Variants in NPAS3 observed in about 807,000 individuals in gnomAD.
NPAS3 encodes the protein neuronal PAS domain protein 3, also known as neuronal PAS domain-containing protein 3.
NPAS3 carries 14 observed loss-of-function variants against 73.1 expected under a neutral mutation model. That is an observed-to-expected ratio of 0.19 (90% CI 0.13 to 0.30). The LOEUF is 0.30. Among genes scored for constraint, NPAS3 ranks in the 10% least tolerant of loss-of-function variants. The probability of loss-of-function intolerance (pLI) is 1.00; values close to 1 mark genes in which losing one functional copy is unlikely to be tolerated. For synonymous variants in NPAS3, 620 were observed against 541.5 expected, an observed-to-expected ratio of 1.14 and a Z score of -2.01; for missense variants, 1,096 against 1,250.0, an observed-to-expected ratio of 0.88 and a Z score of 1.86.
At chr14:33,791,716 C>G (rs1264452414) in intron 9 of NPAS3, among the ~76,000 whole-genome samples, 1 of 152,130 alleles carries the variant, frequency 6.6e-6, no homozygotes, top group East Asian at 1.9e-4. Flanking sequence ...ATCCCTTTGC[C>G]CCTTTTGTAT....
At chr14:33,613,061 A>G (rs1595277677) in intron 5 of NPAS3, among the ~76,000 whole-genome samples, 1 of 152,214 alleles carries the variant, frequency 6.6e-6, no homozygotes, top group East Asian at 1.9e-4. Flanking sequence ...AGGTAACTGA[A>G]AATTTAATTC....
At chr14:33,045,268 G>A (rs1356381639) in intron 1 of NPAS3, among the ~76,000 whole-genome samples, 3 of 152,168 alleles carry the variant, frequency 2.0e-5, no homozygotes, top group Non-Finnish European at 4.4e-5. Context: ...AGGAAAAGGA[G>A]TTGGAAAGTT....
intron 1 of NPAS3, among the ~76,000 whole-genome samples, chr14:32,953,426 GC>G (rs2036561808): frequency 6.6e-6 from 1 of 152,128 alleles, no homozygotes; most frequent in Non-Finnish European, 1.5e-5. Context: ...CTTTCAGTAG[GC>G]CCTGACTGAG....
intron 2 of NPAS3, among the ~76,000 whole-genome samples, chr14:33,097,403 A>T (rs1215972277): frequency 6.6e-6 from 1 of 152,222 alleles, no homozygotes; most frequent in Non-Finnish European, 1.5e-5. Context: ...TCATCACTGC[A>T]TAGTGTTTCA....
At chr14:33,358,229 G>T (rs1352190871) in intron 3 of NPAS3, among the ~76,000 whole-genome samples, 1 of 152,196 alleles carries the variant, frequency 6.6e-6, no homozygotes, top group Non-Finnish European at 1.5e-5. Context: ...CATCTAAGCA[G>T]TGGTGTTGAG....
At chr14:33,249,340 T>C (rs1264048748) in intron 3 of NPAS3, among the ~76,000 whole-genome samples, 1 of 75,550 alleles carries the variant, frequency 1.3e-5, no homozygotes, top group African/African-American at 5.6e-5. Context: ...TTAATTCCCG[T>C]CCCCCCCACC....
At chr14:33,640,802 G>C (rs1356292604) in intron 5 of NPAS3, among the ~76,000 whole-genome samples, 1 of 152,106 alleles carries the variant, frequency 6.6e-6, no homozygotes, top group Non-Finnish European at 1.5e-5. Flanking sequence ...ACTCAAACAT[G>C]AAACACATTT....
chr14:33,522,260 A>T (rs530542940), intron 4 of NPAS3, among the ~76,000 whole-genome samples: 2 of 152,318 alleles, frequency 1.3e-5, no homozygotes, highest in East Asian at 3.9e-4. Context: ...ATCATATTTC[A>T]TATGACCAGT....
At chr14:33,190,612 G>A (rs1327970590) in intron 2 of NPAS3, among the ~76,000 whole-genome samples, 3 of 152,172 alleles carry the variant, frequency 2.0e-5, no homozygotes, top group Non-Finnish European at 4.4e-5. Flanking sequence ...TGAACAAAGT[G>A]TGTCTTTTAA....
Position 32,959,975 on chromosome 14 carries a change from AATT to A in NPAS3, c.50+20610_50+20612del, listed in dbSNP as rs1371973982. On this transcript the variant is annotated intron_variant, in intron 1 of 11. Transcript: ENST00000356141. ...TCTAATGATGTTTTATGTGAGTTTC[AATT>A]TTTTTTTTTTTTTTTTTTGGTGAGT... Among the ~76,000 whole-genome samples the A allele has an allele frequency of 1.2e-3, 149 of 120,824 alleles. No individual in the cohort carries two copies. The East Asian group carries it at 0.013, about 10-fold the overall frequency. The allele number at this position is 120,824 out of a possible 152,430, so 79.3% of individuals were successfully genotyped here.
rs538558992 is a variant in NPAS3, at chr14:33,451,209, A to G, written c.468+83941A>G. Reference sequence around the variant, plus strand: ...CAAAATTACTTGCCCCAAATCATCAATTGATACAGCTGTGCCTCCTTATTT... The same window carrying G: ...CAAAATTACTTGCCCCAAATCATCAGTTGATACAGCTGTGCCTCCTTATTT... On this transcript the variant is annotated intron_variant, in intron 4 of 11. Transcript: ENST00000356141. 3.9e-5 allele frequency among the ~76,000 whole-genome samples: 6 copies of G among 152,348 alleles called. No individual in the cohort carries two copies. The South Asian group carries it at 1.0e-3, about 26-fold the overall frequency.
chr14:33,680,459 C>T, intron 6 of NPAS3: 1 of 617,072 alleles, frequency 1.6e-6, no homozygotes. Flanking sequence ...GTTTCTGTTC[C>T]TGTTCCTGTG....
At chr14:33,737,966 C>T (rs936433858) in intron 7 of NPAS3, among the ~76,000 whole-genome samples, 3 of 152,154 alleles carry the variant, frequency 2.0e-5, no homozygotes, top group South Asian at 2.1e-4. Context: ...TATTTCTGTC[C>T]GTTTTTCTTG....
At chr14:33,381,567 G>C (rs1232900526) in intron 4 of NPAS3, among the ~76,000 whole-genome samples, 1 of 152,122 alleles carries the variant, frequency 6.6e-6, no homozygotes, top group Non-Finnish European at 1.5e-5. Flanking sequence ...AGTAGTAAAG[G>C]GATTTGCTTA....
chr14:33,390,828 T>C (rs1279889240), intron 4 of NPAS3, among the ~76,000 whole-genome samples: 1 of 152,220 alleles, frequency 6.6e-6, no homozygotes, highest in East Asian at 1.9e-4. Flanking sequence ...TTGTGTATTT[T>C]TTATTTTATT....
chr14:33,798,957 G>A lies in NPAS3; in HGVS notation c.1427-777G>A, dbSNP rs140598832. Among the ~76,000 whole-genome samples the A allele has an allele frequency of 1.6e-3, 210 of 129,840 alleles. 1 individual carries two copies. The highest frequency in any genetic ancestry group is 5.3e-3 in the African/African-American group (190 of 35,754). 85.2% of individuals were successfully genotyped at this position (129,840 alleles called of 152,430 possible). A position where few individuals can be genotyped will look rare whatever the true frequency, so the allele number is the denominator to read the frequency against. On this transcript the variant is annotated intron_variant, in intron 11 of 11. Transcript: ENST00000356141. ...GGAGTTTGAGAGCAGCCTGGGCAAC[G>A]TGGCAAGACCCTGTCTCTACAAAAA...
chr14:33,413,287 T>C (rs2048010126), intron 4 of NPAS3, among the ~76,000 whole-genome samples: 1 of 152,076 alleles, frequency 6.6e-6, no homozygotes, highest in Non-Finnish European at 1.5e-5. Flanking sequence ...TTTTCTTTTT[T>C]AATTTCATTT....
chr14:33,428,931 T>A (rs2048667823), intron 4 of NPAS3, among the ~76,000 whole-genome samples: 2 of 152,140 alleles, frequency 1.3e-5, no homozygotes, highest in Non-Finnish European at 2.9e-5. Flanking sequence ...TTTCACTATT[T>A]TTAAGGAATA....
rs181775443 is a variant in NPAS3, at chr14:33,161,171, A to G, written c.141-54011A>G. ...TTCTTTAGATCTAAAGTCTAAAGGC[A>G]TCTACCCAGATTAATTTTTTAATAT... On this transcript the variant is annotated intron_variant, in intron 2 of 11. Coordinates refer to ENST00000356141, the Ensembl canonical transcript of NPAS3. Among the ~76,000 whole-genome samples the G allele has an allele frequency of 5.5e-3, 841 of 152,336 alleles. 4 individuals are homozygous for G. Among genetic ancestry groups the G allele is most frequent in the Middle Eastern group, 0.041 (12 of 294 alleles).
Sources: allele counts gnomAD v4.1 joint callset (sites outside exome capture counted in the v4.1 genomes callset), GRCh38; gene constraint gnomAD v4.1.1; transcripts MANE v1.5; gene names NCBI Gene and HGNC (gene_info 2026-07-23, HGNC 2026-07-21).